PRKG1: variants seen among roughly 807,000 people sequenced by gnomAD.
PRKG1 encodes the protein cGMP-dependent protein kinase 1.
Under a neutral mutation model 88.1 loss-of-function variants are expected in PRKG1, and 35 were observed. The observed-to-expected ratio is 0.40, with a 90% CI of 0.30 to 0.53. PRKG1 has a LOEUF of 0.53. Ranked by LOEUF, PRKG1 falls within the 20% of genes least tolerant of loss-of-function variation. The probability of loss-of-function intolerance (pLI) is 0.59; values close to 1 mark genes in which losing one functional copy is unlikely to be tolerated. For missense variants in PRKG1, 540 were observed against 839.8 expected (o/e 0.64, Z 4.41); for synonymous variants, 303 against 292.5 (o/e 1.04, Z -0.37).
At chr10:51,802,139 C>A (rs1839189631) in intron 3 of PRKG1, among the ~76,000 whole-genome samples, 1 of 152,100 alleles carries the variant, frequency 6.6e-6, no homozygotes, top group African/African-American at 2.4e-5. Context: ...AGTTAAAAAG[C>A]AAGATGTTAA....
upstream of PRKG1, among the ~76,000 whole-genome samples, chr10:51,074,002 AGCTCAACATTCTCCAG>A (rs1195683596): frequency 6.6e-6 from 1 of 152,078 alleles, no homozygotes; most frequent in Middle Eastern, 3.2e-3. Flanking sequence ...CTAGGATCGT[AGCTCAACATTCTCCAG>A]GCTGGTCTGC....
At chr10:51,310,986 G>A (rs1047889702) in intron 2 of PRKG1, among the ~76,000 whole-genome samples, 1 of 152,140 alleles carries the variant, frequency 6.6e-6, no homozygotes, top group African/African-American at 2.4e-5. Flanking sequence ...GAGTCAAGAA[G>A]GCTGTTTCCA....
intron 3 of PRKG1, among the ~76,000 whole-genome samples, chr10:51,494,774 T>A (rs189173099): frequency 6.6e-6 from 1 of 152,240 alleles, no homozygotes; most frequent in African/African-American, 2.4e-5. Flanking sequence ...TTTCTATTAA[T>A]GGTGTTTGTG....
At chr10:51,353,040 T>TG (rs568902378) in intron 2 of PRKG1, among the ~76,000 whole-genome samples, 111 of 152,268 alleles carry the variant, frequency 7.3e-4, no homozygotes, top group African/African-American at 2.6e-3. Context: ...GAACATTCAT[T>TG]GGGGAAAAGA....
At chr10:52,198,486 A>AGGG (rs1554816478) in intron 9 of PRKG1, among the ~76,000 whole-genome samples, 1 of 152,238 alleles carries the variant, frequency 6.6e-6, no homozygotes, top group Non-Finnish European at 1.5e-5. Flanking sequence ...CAATGAGCAA[A>AGGG]TAGAATCAGG....
At position 51,549,120 on chromosome 10, in the gene PRKG1, C is replaced by CTTTTTTTTTTTTTTTTTTTTT. The variant is rs56045527; in HGVS notation, c.592+81285_592+81305dup. Among the ~76,000 whole-genome samples the CTTTTTTTTTTTTTTTTTTTTT allele has an allele frequency of 3.2e-3, 222 of 70,332 alleles. 33 individuals carry two copies. Among genetic ancestry groups the CTTTTTTTTTTTTTTTTTTTTT allele is most frequent in the East Asian group, 0.016 (14 of 898 alleles). 46.1% of individuals were successfully genotyped at this position (70,332 alleles called of 152,430 possible). A position where few individuals can be genotyped will look rare whatever the true frequency, so the allele number is the denominator to read the frequency against. ...TTCTTTCCTTTCTTTCTTTTCTTTT[C>CTTTTTTTTTTTTTTTTTTTTT]TTTTTTTTTTTTTTTTTTTTTGAGA... On this transcript the variant is annotated intron_variant, in intron 3 of 17. Transcript: ENST00000373980.
At chr10:51,897,466 G>T (rs116067148) in intron 4 of PRKG1, among the ~76,000 whole-genome samples, 2,189 of 152,160 alleles carry the variant, frequency 0.014, 52 homozygotes, top group African/African-American at 0.05. Flanking sequence ...GCAGATTTCT[G>T]TTTGTTCAGA....
chr10:52,034,572 G>C (rs1455542649), intron 5 of PRKG1, among the ~76,000 whole-genome samples: 2 of 151,666 alleles, frequency 1.3e-5, no homozygotes, highest in Non-Finnish European at 2.9e-5. Context: ...GAGTGCCTAA[G>C]GAGATTCAGC....
At chr10:51,955,310 C>T (rs2879634) in intron 5 of PRKG1, among the ~76,000 whole-genome samples, 54,241 of 151,790 alleles carry the variant, frequency 0.36, 10,216 homozygotes, top group East Asian at 0.65. Flanking sequence ...GGTTAAGGTA[C>T]TATAGGTTAA....
intron 3 of PRKG1, among the ~76,000 whole-genome samples, chr10:51,571,092 T>G (rs144960454): frequency 6.6e-6 from 1 of 152,106 alleles, no homozygotes; most frequent in Non-Finnish European, 1.5e-5. Context: ...GCAAGTTGTT[T>G]AGATTCTCTG....
chr10:51,711,473 T>G (rs1841750065), intron 3 of PRKG1, among the ~76,000 whole-genome samples: 1 of 152,216 alleles, frequency 6.6e-6, no homozygotes, highest in South Asian at 2.1e-4. Flanking sequence ...TGTTGCCCAC[T>G]ATGTCCATTA....
At position 51,885,733 on chromosome 10, in the gene PRKG1, AT is replaced by A. The variant is rs371757459; in HGVS notation, c.699-21773del. On this transcript the variant is annotated intron_variant, in intron 4 of 17. Coordinates refer to ENST00000373980, the MANE Select transcript of PRKG1 (RefSeq NM_006258.4). The stretch of plus-strand genomic sequence containing the variant: ...CCTATTACTTTATGCCCCAGCTATT[AT>A]CTGCTCTTTTTTCTTCCTTGCCTTA... Among the ~76,000 whole-genome samples, 43 of 152,170 alleles carry A rather than the reference AT, an allele frequency of 2.8e-4. No homozygotes were observed. The East Asian group carries it at 4.8e-3, about 17-fold the overall frequency.
At position 52,148,983 on chromosome 10, in the gene PRKG1, T is replaced by TA. The variant is rs1554810082; in HGVS notation, c.1002-12905dup. On this transcript the variant is annotated intron_variant, in intron 8 of 17. Coordinates refer to ENST00000373980, the MANE Select transcript of PRKG1 (RefSeq NM_006258.4). Reference sequence around the variant, plus strand: ...TTTTTTTTTTTTTTTTTTTTTTTTTTAGGTTTGGAAAGAACATCCTGTTTA... The same window carrying TA: ...TTTTTTTTTTTTTTTTTTTTTTTTTTAAGGTTTGGAAAGAACATCCTGTTTA... Among the ~76,000 whole-genome samples the TA allele has an allele frequency of 2.2e-3, 228 of 104,804 alleles. 5 individuals carry two copies. The highest frequency in any genetic ancestry group is 7.0e-3 in the Admixed American group (66 of 9,468). The allele number at this position is 104,804 out of a possible 152,430, so 68.8% of individuals were successfully genotyped here. A position where few individuals can be genotyped will look rare whatever the true frequency, so the allele number is the denominator to read the frequency against.
chr10:52,286,499 A>G (rs1180122338), intron 14 of PRKG1, among the ~76,000 whole-genome samples: 1 of 152,106 alleles, frequency 6.6e-6, no homozygotes, highest in Non-Finnish European at 1.5e-5. Flanking sequence ...CTTTGGGTCT[A>G]ATTAATTAGA....
At chr10:51,116,868 C>G (rs1309849882) in intron 1 of PRKG1, among the ~76,000 whole-genome samples, 5 of 152,048 alleles carry the variant, frequency 3.3e-5, no homozygotes, top group Admixed American at 2.0e-4. Context: ...ATTGTTCCAC[C>G]CTTTGGCATC....
At chr10:51,037,661 A>G (rs185242426) in intron 1 of PRKG1, among the ~76,000 whole-genome samples, 127 of 151,882 alleles carry the variant, frequency 8.4e-4, no homozygotes, top group African/African-American at 2.7e-3. Context: ...GCATGTACCT[A>G]TAATTCCAGC....
intron 2 of PRKG1, among the ~76,000 whole-genome samples, chr10:51,438,840 A>G (rs1181801212): frequency 6.6e-6 from 1 of 151,876 alleles, no homozygotes; most frequent in Non-Finnish European, 1.5e-5. Flanking sequence ...CACCAGATGT[A>G]TTATACATGT....
intron 5 of PRKG1, among the ~76,000 whole-genome samples, chr10:51,985,324 C>T (rs1401899905): frequency 6.6e-6 from 1 of 151,714 alleles, no homozygotes; most frequent in East Asian, 1.9e-4. Flanking sequence ...AAACTTTTTT[C>T]AGCTGCACAA....
At chr10:51,877,122 C>T (rs1279908185) in intron 4 of PRKG1, among the ~76,000 whole-genome samples, 1 of 152,016 alleles carries the variant, frequency 6.6e-6, no homozygotes, top group East Asian at 1.9e-4. Context: ...TCTTTCTCCC[C>T]CCATGCACCC....
Sources: allele counts gnomAD v4.1 joint callset (sites outside exome capture counted in the v4.1 genomes callset), GRCh38; gene constraint gnomAD v4.1.1; transcripts MANE v1.5; gene names NCBI Gene and HGNC (gene_info 2026-07-23, HGNC 2026-07-21).